Variants in FOCAD observed in about 807,000 individuals in gnomAD.
FOCAD encodes the protein KIAA1797.
In FOCAD, 198 loss-of-function variants were observed where a neutral mutation model predicts 225.6. That is an observed-to-expected ratio of 0.88 (90% CI 0.78 to 0.99). FOCAD has a LOEUF of 0.99. Among genes scored for constraint, FOCAD ranks in the 50% least tolerant of loss-of-function variants. FOCAD has a pLI of 0.00. For synonymous variants in FOCAD, 897 were observed against 755.0 expected, an observed-to-expected ratio of 1.19 and a Z score of -3.08; for missense variants, 2,713 against 2,123.6, an observed-to-expected ratio of 1.28 and a Z score of -5.46.
At chr9:20,878,551 G>T (rs1290030663) in intron 19 of FOCAD, among the ~76,000 whole-genome samples, 1 of 152,098 alleles carries the variant, frequency 6.6e-6, no homozygotes, top group Admixed American at 6.6e-5. Context: ...GAACAATTTC[G>T]CATATCTCTT....
intron 4 of FOCAD, among the ~76,000 whole-genome samples, chr9:20,730,795 C>T (rs1367633452): frequency 6.6e-6 from 1 of 152,078 alleles, no homozygotes; most frequent in African/African-American, 2.4e-5. Flanking sequence ...ATGGGCAATC[C>T]TCATAGCAGT....
chr9:20,955,232 A>G (rs909134896), intron 35 of FOCAD, among the ~76,000 whole-genome samples: 2 of 152,294 alleles, frequency 1.3e-5, no homozygotes, highest in Non-Finnish European at 2.9e-5. Context: ...TCACTAGAGG[A>G]AAGAAATGTG....
intron 2 of FOCAD, among the ~76,000 whole-genome samples, chr9:20,669,774 C>CA (rs200678190): frequency 0.012 from 1,768 of 147,920 alleles, 35 homozygotes; most frequent in East Asian, 0.043. Context: ...GACTTCATCT[C>CA]AAAAAAAAAG....
At chr9:20,699,775 T>A (rs4434699) in intron 1 of FOCAD, among the ~76,000 whole-genome samples, 31 of 27,308 alleles carry the variant, frequency 1.1e-3, no homozygotes, top group Admixed American at 1.6e-3. Context: ...AAAAAAAAAA[T>A]ATATATATAT....
chr9:20,935,862 C>T (rs1209391266), intron 28 of FOCAD, among the ~76,000 whole-genome samples: 4 of 152,166 alleles, frequency 2.6e-5, no homozygotes, highest in Non-Finnish European at 5.9e-5. Flanking sequence ...GCATTAAGAA[C>T]CTTTCCCTTC....
At chr9:20,847,038 A>G (rs956134121) in intron 15 of FOCAD, among the ~76,000 whole-genome samples, 51 of 152,262 alleles carry the variant, frequency 3.3e-4, no homozygotes, top group African/African-American at 1.2e-3. Context: ...AACCATGCTA[A>G]ATGCAAGCAC....
chr9:20,874,915 T>G lies in FOCAD; in HGVS notation c.2317+108T>G, dbSNP rs1830109866. The G allele has an allele frequency of 1.0e-5, 14 of 1,368,654 alleles. No individual in the cohort carries two copies. In the East Asian group the frequency reaches 3.2e-4, roughly 32 times the overall value. The allele number at this position is 1,368,654 out of a possible 1,614,324, so 84.8% of individuals were successfully genotyped here. On this transcript the variant is annotated intron_variant, in intron 19 of 43. Transcript: ENST00000338382. ...AGTATAGTTTAACCTTATGTGCTTA[T>G]TTTTTAACCAGAATGTTAAATGCAC...
intron 11 of FOCAD, among the ~76,000 whole-genome samples, chr9:20,813,105 G>A (rs1013226970): frequency 1.3e-5 from 2 of 151,972 alleles, no homozygotes; most frequent in African/African-American, 4.8e-5. Flanking sequence ...TCATATAAGT[G>A]GAATAATGCA....
intron 5 of FOCAD, among the ~76,000 whole-genome samples, chr9:20,744,740 A>T (rs1400392648): frequency 1.3e-5 from 2 of 152,214 alleles, no homozygotes; most frequent in Non-Finnish European, 2.9e-5. Flanking sequence ...AATTGTTGCC[A>T]TGAAACAATG....
chr9:20,818,380 G>A (rs907777961), intron 11 of FOCAD, among the ~76,000 whole-genome samples: 6 of 152,000 alleles, frequency 3.9e-5, no homozygotes, highest in Non-Finnish European at 7.4e-5. Context: ...TTACGTTGAT[G>A]AAATTCATTT....
At chr9:20,694,625 ATTTTC>A (rs890997116) in intron 1 of FOCAD, 3 of 152,100 alleles carry the variant, frequency 2.0e-5, no homozygotes, top group Admixed American at 2.0e-4. Flanking sequence ...CTTTTTTAAA[ATTTTC>A]TTTTATTTTT....
intron 19 of FOCAD, among the ~76,000 whole-genome samples, chr9:20,878,950 C>T (rs773678105): frequency 6.6e-6 from 1 of 152,168 alleles, no homozygotes; most frequent in Admixed American, 6.5e-5. Flanking sequence ...TCCCAGCTCT[C>T]ATAGAGAGTT....
chr9:20,899,156 A>G (rs186118306), intron 21 of FOCAD, among the ~76,000 whole-genome samples: 2 of 152,016 alleles, frequency 1.3e-5, no homozygotes, highest in Admixed American at 6.6e-5. Context: ...CTTGTTAAGA[A>G]TAGAATGCTG....
At chr9:20,761,885 A>G (rs1050929407) in intron 6 of FOCAD, among the ~76,000 whole-genome samples, 1 of 152,146 alleles carries the variant, frequency 6.6e-6, no homozygotes, top group Non-Finnish European at 1.5e-5. Context: ...TTTTTTTAAT[A>G]TTCATTTTTT....
rs4977779 is a variant in FOCAD, at chr9:20,862,507, G to A, written c.1921-71G>A. On this transcript the variant is annotated intron_variant, in intron 15 of 43. Transcript: ENST00000338382. ...TTAAGTTTCCTTATAATAAAATATA[G>A]TACTCTTAATTAATGGCTTCATATA... The A allele has an allele frequency of 0.31, 460,180 of 1,505,118 alleles. 72,319 individuals are homozygous for A. Among genetic ancestry groups the A allele is most frequent in the East Asian group, 0.45 (19,763 of 43,730 alleles). 93.2% of individuals were successfully genotyped at this position (1,505,118 alleles called of 1,614,324 possible).
intron 9 of FOCAD, among the ~76,000 whole-genome samples, chr9:20,781,032 A>G (rs1195310133): frequency 2.0e-5 from 3 of 152,244 alleles, no homozygotes; most frequent in Non-Finnish European, 2.9e-5. Flanking sequence ...CCTGAATAAC[A>G]TCTTTTAGTA....
At chr9:20,844,382 A>G (rs1826867881) in intron 15 of FOCAD, among the ~76,000 whole-genome samples, 1 of 63,084 alleles carries the variant, frequency 1.6e-5, no homozygotes, top group Non-Finnish European at 3.0e-5. Flanking sequence ...TTTTGTTGAG[A>G]CAGAGTCTCA....
At position 20,787,695 on chromosome 9, in the gene FOCAD, A is replaced by G. The variant is rs140217732; in HGVS notation, c.1198-1656A>G. The stretch of plus-strand genomic sequence containing the variant: ...TCTTGCCTTTGATTCCAGCTGTCCA[A>G]TTTTCACTCCCCAAAACAGAAGATG... On this transcript the variant is annotated intron_variant, in intron 10 of 43. Coordinates refer to ENST00000338382, the MANE Select transcript of FOCAD (RefSeq NM_001375567.1). 1.3e-3 allele frequency among the ~76,000 whole-genome samples: 199 copies of G among 152,150 alleles called. 1 individual carries two copies. Among genetic ancestry groups the G allele is most frequent in the African/African-American group, 4.5e-3 (185 of 41,532 alleles).
chr9:20,976,141 C>T (rs1396832901), intron 35 of FOCAD, among the ~76,000 whole-genome samples: 1 of 151,942 alleles, frequency 6.6e-6, no homozygotes, highest in African/African-American at 2.4e-5. Flanking sequence ...GTTCATTGCA[C>T]ATATGTATGG....
Sources: gnomAD v4.1 joint callset for allele counts (sites outside exome capture counted in the v4.1 genomes callset) on GRCh38, gnomAD v4.1.1 for gene constraint, MANE v1.5 for transcripts, NCBI Gene and HGNC (gene_info 2026-07-23, HGNC 2026-07-21) for gene names.